The following HKDC1 variants were observed in gnomAD, a reference collection of about 807,000 sequenced individuals.
HKDC1 encodes the protein hexokinase domain containing 1.
In HKDC1, 66 loss-of-function variants were observed where a neutral mutation model predicts 96.6. The observed-to-expected ratio is 0.68, with a 90% CI of 0.56 to 0.84. The LOEUF (loss-of-function observed/expected upper bound fraction) is 0.84. HKDC1 is among the 40% of genes least tolerant of loss of function. The pLI is 0.00. For missense variants in HKDC1, 1,211 were observed against 1,208.1 expected (o/e 1.00, Z -0.04); for synonymous variants, 466 against 473.1 (o/e 0.98, Z 0.20).
intron 5 of HKDC1, among the ~76,000 whole-genome samples, chr10:69,239,447 C>T (rs2132348307): frequency 6.6e-6 from 1 of 152,338 alleles, no homozygotes; most frequent in South Asian, 2.1e-4. Flanking sequence ...GTGTAGGCCC[C>T]ACACGCCCTC....
chr10:69,264,330 T>C (rs1297234987), intron 16 of HKDC1, among the ~76,000 whole-genome samples: 1 of 151,586 alleles, frequency 6.6e-6, no homozygotes, highest in South Asian at 2.1e-4. Flanking sequence ...TTTTTCACTA[T>C]GTCATGAAGA....
chr10:69,248,170 A>G (rs17566597), intron 9 of HKDC1, among the ~76,000 whole-genome samples: 22,915 of 152,170 alleles, frequency 0.15, 2,313 homozygotes, highest in Non-Finnish European at 0.21. Flanking sequence ...TGTTCAGCCA[A>G]TACATTATGC....
At chr10:69,231,312 C>T (rs1434217400) in intron 2 of HKDC1, among the ~76,000 whole-genome samples, 1 of 152,208 alleles carries the variant, frequency 6.6e-6, no homozygotes, top group Non-Finnish European at 1.5e-5. Flanking sequence ...CTCTCACCTT[C>T]CAGATAAAGC....
At chr10:69,251,320 T>A (rs995110782) in intron 12 of HKDC1, among the ~76,000 whole-genome samples, 11 of 152,092 alleles carry the variant, frequency 7.2e-5, no homozygotes, top group Admixed American at 7.2e-4. Context: ...GGTCATGAAC[T>A]CCTGACCTCA....
intron 4 of HKDC1, among the ~76,000 whole-genome samples, 165 bp from the exon 5 acceptor site, chr10:69,238,877 A>C (rs955770695): frequency 6.6e-6 from 1 of 152,202 alleles, no homozygotes; most frequent in Non-Finnish European, 1.5e-5. Context: ...ATAGTCCTTT[A>C]AATTATTAGA....
rs74138158 is a variant in HKDC1, at chr10:69,227,340, C to G, written c.197C>G (p.Thr66Ser). 1 of 1,614,220 alleles carries G rather than the reference C, an allele frequency of 6.2e-7. No individual in the cohort carries two copies. The highest frequency in any genetic ancestry group is 1.7e-5 in the Admixed American group (1 of 60,028). Residue 66 changes from threonine to serine, a missense_variant, in exon 2 of 18, where the codon ACC becomes AGC. Transcript: ENST00000354624. ...ACGGCTGCAGTGAAGATGTTGCCCA[C>G]CTTCGTCAGGGCCATTCCCGATGGT... is the stretch of plus-strand genomic sequence containing the variant. ...NPTAAVKMLP[T>S]FVRAIPDGSE...
Position 69,227,284 on chromosome 10 carries a change from G to A in HKDC1, c.141G>A (p.Met47Ile), listed in dbSNP as rs1843175434. Residue 47 changes from methionine to isoleucine, a missense_variant, in exon 2 of 18, where the codon ATG becomes ATA. Physicochemically the swap from Met to Ile is conservative, Grantham distance 10 (BLOSUM62 1). Coordinates refer to ENST00000354624, the MANE Select transcript of HKDC1 (RefSeq NM_025130.4). ...TCATGAGGCGGTTCCGGGCTGAGAT[G>A]GAGAAGGGCCTGGCAAAGGACACCA... Reference protein sequence around the residue: ...LDIMRRFRAEMEKGLAKDTNP... With the variant: ...LDIMRRFRAEIEKGLAKDTNP... The A allele has an allele frequency of 6.2e-7, 1 of 1,614,032 alleles. No individual in the cohort carries two copies. The highest frequency in any genetic ancestry group is 1.7e-5 in the Admixed American group (1 of 60,000).
At chr10:69,220,978 C>T (rs57245644) in intron 1 of HKDC1, among the ~76,000 whole-genome samples, 11,350 of 152,072 alleles carry the variant, frequency 0.075, 494 homozygotes, top group East Asian at 0.12. Flanking sequence ...GGTGAAACCC[C>T]GTCTCAACTA....
At chr10:69,228,466 G>A (rs913459779) in intron 2 of HKDC1, among the ~76,000 whole-genome samples, 1 of 152,110 alleles carries the variant, frequency 6.6e-6, no homozygotes, top group African/African-American at 2.4e-5. Flanking sequence ...TTGGGGGTGG[G>A]GGACATTATT....
intron 4 of HKDC1, among the ~76,000 whole-genome samples, chr10:69,237,368 G>T (rs182190884): frequency 6.6e-6 from 1 of 151,004 alleles, no homozygotes; most frequent in Admixed American, 6.6e-5. Flanking sequence ...TTTAAAAAAA[G>T]AGAGAGAGAA....
rs746967718 is a variant in HKDC1, at chr10:69,240,740, G to T, written c.680G>T (p.Gly227Val). ...CAYDDPYCEVGVIIGTGTNAC... is the reference protein window; with the variant it reads ...CAYDDPYCEVVVIIGTGTNAC... ...TATGACGACCCCTACTGCGAAGTTGGTGTCATCATCGGTAACTCAATTGGA... is the reference window on the plus strand; with the variant it reads ...TATGACGACCCCTACTGCGAAGTTGTTGTCATCATCGGTAACTCAATTGGA... The change falls in exon 6 of 18, where the codon GGT becomes GTT. Residue 227 changes from glycine (G) to valine (V), a missense_variant. By Grantham distance (109) the Gly-to-Val change is moderately radical. Coordinates refer to ENST00000354624, the MANE Select transcript of HKDC1 (RefSeq NM_025130.4). 7 of 1,613,728 alleles carry T rather than the reference G, an allele frequency of 4.3e-6. No homozygotes were observed. The highest frequency in any genetic ancestry group is 1.7e-5 in the Admixed American group (1 of 60,004).
rs2279929 is a variant in HKDC1, at chr10:69,257,689, G to T, written c.2032+263G>T. Reference sequence around the variant, plus strand: ...GGACCTTGGGGCCAATTGTCATGGGGGGGGGAAGGAGACTACAGTTGGATC... The same window carrying T: ...GGACCTTGGGGCCAATTGTCATGGGTGGGGGAAGGAGACTACAGTTGGATC... On this transcript the variant is annotated intron_variant, in intron 14 of 17. Transcript: ENST00000354624. 4.8e-4 allele frequency among the ~76,000 whole-genome samples: 73 copies of T among 152,054 alleles called. 1 individual carries two copies. The highest frequency in any genetic ancestry group is 1.6e-3 in the African/African-American group (67 of 41,432).
At chr10:69,221,396 A>G (rs1843060981) in intron 1 of HKDC1, among the ~76,000 whole-genome samples, 1 of 152,144 alleles carries the variant, frequency 6.6e-6, no homozygotes, top group Non-Finnish European at 1.5e-5. Context: ...GGAGGGAACC[A>G]GGGTTCTTTC....
chr10:69,246,213 G>C lies in HKDC1; in HGVS notation c.1010G>C (p.Arg337Pro). The change falls in exon 8 of 18, where the codon CGG (arginine) becomes CCG (proline). Residue 337 changes from arginine to proline, a missense_variant. Transcript: ENST00000354624. ...ALHTKGKIETRHVAAMEKYKE... is the reference protein window; with the variant it reads ...ALHTKGKIETPHVAAMEKYKE... ...CACACTAAGGGCAAGATCGAAACAC[G>C]GCACGTGGCTGCCATGGAGAAGTAA... 1.9e-6 allele frequency: 3 copies of C among 1,614,048 alleles called. No homozygotes were observed.
chr10:69,240,885 AATTC>A (rs1843447322), intron 6 of HKDC1, 134 bp downstream of exon 6: 4 of 628,048 alleles, frequency 6.4e-6, no homozygotes, highest in Non-Finnish European at 1.1e-5. Context: ...GGACATGAAA[AATTC>A]ATTCATTCAT....
intron 16 of HKDC1, among the ~76,000 whole-genome samples, chr10:69,262,437 A>G (rs1353444368): frequency 1.3e-5 from 2 of 151,952 alleles, no homozygotes; most frequent in Admixed American, 6.6e-5. Context: ...AGTAGTTTCA[A>G]TTTCCATCAC....
chr10:69,261,714 A>T (rs1426806892), intron 16 of HKDC1: 1 of 173,584 alleles, frequency 5.8e-6, no homozygotes, highest in Non-Finnish European at 1.3e-5. Flanking sequence ...GAATTGCCAA[A>T]AATTAATGGT....
chr10:69,239,962 G>A (rs1419325448), intron 5 of HKDC1, among the ~76,000 whole-genome samples: 4 of 152,096 alleles, frequency 2.6e-5, no homozygotes, highest in Middle Eastern at 3.4e-3. Flanking sequence ...GGGGGATGTT[G>A]GTGCAATAAC....
In HKDC1 at chr10:69,266,725, A is replaced by G. The variant is rs1001932273; in HGVS notation, c.2722A>G (p.Lys908Glu). ...GGCAGCACTGATCACTGCTGTGGCC[A>G]AGAGGTTACAGCAGGCACAGAAGGA... is the stretch of plus-strand genomic sequence containing the variant. ...KGAALITAVA[K>E]RLQQAQKEN The change falls in exon 18 of 18, where the codon AAG becomes GAG. Residue 908 changes from lysine (K) to glutamate (E), a missense_variant. Coordinates refer to ENST00000354624, the MANE Select transcript of HKDC1 (RefSeq NM_025130.4). 3.1e-6 allele frequency: 5 copies of G among 1,613,922 alleles called. No homozygotes were observed. The highest frequency in any genetic ancestry group is 2.7e-5 in the African/African-American group (2 of 75,044).
Sources: allele counts gnomAD v4.1 joint callset (sites outside exome capture counted in the v4.1 genomes callset), GRCh38; gene constraint gnomAD v4.1.1; transcripts MANE v1.5; gene names NCBI Gene and HGNC (gene_info 2026-07-23, HGNC 2026-07-21).